TAFA1: variants seen among roughly 807,000 people sequenced by gnomAD.
The protein encoded by TAFA1 is TAFA chemokine like family member 1.
A neutral mutation model predicts 18.5 loss-of-function variants in TAFA1; 4 were observed. That is an observed-to-expected ratio of 0.22 (90% confidence interval 0.11 to 0.49). The LOEUF (loss-of-function observed/expected upper bound fraction) is 0.49. Among genes scored for constraint, TAFA1 ranks in the 20% least tolerant of loss-of-function variants. The pLI is 0.98. For missense variants in TAFA1, 147 were observed against 169.0 expected (o/e 0.87, Z 0.72); for synonymous variants, 56 against 55.2 (o/e 1.01, Z -0.06).
chr3:68,019,828 G>A (rs1280879377), intron 2 of TAFA1, among the ~76,000 whole-genome samples: 1 of 152,160 alleles, frequency 6.6e-6, no homozygotes. Context: ...CCCCCGGCCA[G>A]TGATGGCAAA....
chr3:68,534,761 A>G (rs1342081377), intron 3 of TAFA1, among the ~76,000 whole-genome samples: 1 of 152,100 alleles, frequency 6.6e-6, no homozygotes, highest in East Asian at 1.9e-4. Flanking sequence ...ATTTTCATTT[A>G]GGAGGTATTA....
intron 3 of TAFA1, among the ~76,000 whole-genome samples, chr3:68,505,684 C>T (rs2072736718): frequency 6.6e-6 from 1 of 151,764 alleles, no homozygotes; most frequent in Non-Finnish European, 1.5e-5. Context: ...TTGTTCCTGG[C>T]TGCCAGATGG....
intron 3 of TAFA1, among the ~76,000 whole-genome samples, chr3:68,424,298 C>T (rs547781843): frequency 1.8e-4 from 27 of 151,668 alleles, no homozygotes; most frequent in Non-Finnish European, 3.4e-4. Flanking sequence ...GAGAAAGAAA[C>T]ATACAAAGCA....
At chr3:68,163,896 A>G (rs1471837666) in intron 2 of TAFA1, among the ~76,000 whole-genome samples, 1 of 152,230 alleles carries the variant, frequency 6.6e-6, no homozygotes, top group East Asian at 1.9e-4. Context: ...CTTCCAGGAC[A>G]AAAAGAAACT....
intron 3 of TAFA1, among the ~76,000 whole-genome samples, chr3:68,493,695 G>T (rs1002779171): frequency 6.6e-6 from 1 of 152,166 alleles, no homozygotes; most frequent in Admixed American, 6.5e-5. Context: ...AGGAAATTTG[G>T]TTTTTTAAAC....
At chr3:68,335,439 T>C (rs2068954547) in intron 2 of TAFA1, among the ~76,000 whole-genome samples, 1 of 152,010 alleles carries the variant, frequency 6.6e-6, no homozygotes, top group Admixed American at 6.6e-5. Context: ...GATCAACTTT[T>C]CCATACTCAT....
At chr3:68,270,289 A>G (rs1240225695) in intron 2 of TAFA1, among the ~76,000 whole-genome samples, 3 of 152,106 alleles carry the variant, frequency 2.0e-5, no homozygotes, top group Admixed American at 6.6e-5. Flanking sequence ...AGGGGCTTCT[A>G]TGACAGATTA....
At chr3:68,041,506 G>T (rs1705164535) in intron 2 of TAFA1, among the ~76,000 whole-genome samples, 1 of 152,062 alleles carries the variant, frequency 6.6e-6, no homozygotes, top group African/African-American at 2.4e-5. Flanking sequence ...TCCTGATAGG[G>T]ATAACTCAAA....
chr3:68,279,466 A>T (rs2067858381), intron 2 of TAFA1, among the ~76,000 whole-genome samples: 1 of 152,172 alleles, frequency 6.6e-6, no homozygotes, highest in Non-Finnish European at 1.5e-5. Flanking sequence ...ACATGACTAC[A>T]TTAGATACTG....
At chr3:68,345,927 G>C (rs1040856243) in intron 2 of TAFA1, among the ~76,000 whole-genome samples, 4 of 152,232 alleles carry the variant, frequency 2.6e-5, no homozygotes, top group African/African-American at 9.6e-5. Context: ...GGAGAGAGAA[G>C]CTTGTTAACT....
chr3:68,228,058 A>G (rs529635849), intron 2 of TAFA1, among the ~76,000 whole-genome samples: 222 of 152,276 alleles, frequency 1.5e-3, no homozygotes, highest in African/African-American at 5.2e-3. Flanking sequence ...GAAAGATAGA[A>G]CACAGGCTGT....
intron 2 of TAFA1, among the ~76,000 whole-genome samples, chr3:68,073,917 A>C (rs1245015904): frequency 6.6e-6 from 1 of 151,976 alleles, no homozygotes; most frequent in Admixed American, 6.6e-5. Flanking sequence ...TAGGTGGGGG[A>C]TATGGTTTTG....
intron 2 of TAFA1, among the ~76,000 whole-genome samples, chr3:68,024,716 C>A (rs1277529308): frequency 6.6e-6 from 1 of 151,770 alleles, no homozygotes; most frequent in Non-Finnish European, 1.5e-5. Flanking sequence ...TAGCTTTAAT[C>A]TCTCACCTCC....
At chr3:68,028,738 CTTTTTTTTTAAAA>C (rs1370593608) in intron 2 of TAFA1, among the ~76,000 whole-genome samples, 25 of 100,436 alleles carry the variant, frequency 2.5e-4, no homozygotes, top group Admixed American at 1.2e-3. Flanking sequence ...CAGCCTCACT[CTTTTTTTTTAAAA>C]TTTTTTTTTT....
intron 2 of TAFA1, among the ~76,000 whole-genome samples, chr3:68,197,383 G>A (rs13100191): frequency 0.14 from 21,952 of 151,506 alleles, 1,892 homozygotes; most frequent in Middle Eastern, 0.2. Context: ...AAGATCAGGT[G>A]TATCTTTTAG....
intron 2 of TAFA1, among the ~76,000 whole-genome samples, chr3:68,348,780 C>T (rs933146823): frequency 6.6e-6 from 1 of 152,036 alleles, no homozygotes; most frequent in Admixed American, 6.6e-5. Context: ...TTTAAAAACT[C>T]AACATGCAAT....
intron 3 of TAFA1, among the ~76,000 whole-genome samples, chr3:68,514,263 T>G (rs1418456174): frequency 6.6e-6 from 1 of 152,220 alleles, no homozygotes; most frequent in Non-Finnish European, 1.5e-5. Context: ...GCCTTTGAAC[T>G]GAGAGCCCTT....
intron 2 of TAFA1, among the ~76,000 whole-genome samples, chr3:68,258,582 G>C (rs1358878568): frequency 6.6e-6 from 1 of 152,170 alleles, no homozygotes; most frequent in Non-Finnish European, 1.5e-5. Context: ...GAATCTAAGT[G>C]TTCAGAGAAT....
chr3:68,341,957 G>A (rs1211469607), intron 2 of TAFA1, among the ~76,000 whole-genome samples: 3 of 152,184 alleles, frequency 2.0e-5, no homozygotes, highest in African/African-American at 4.8e-5. Context: ...GGAACTAGTG[G>A]CATTTTGAGT....
Sources: gnomAD v4.1 joint callset for allele counts (sites outside exome capture counted in the v4.1 genomes callset) on GRCh38, gnomAD v4.1.1 for gene constraint, MANE v1.5 for transcripts, NCBI Gene and HGNC (gene_info 2026-07-23, HGNC 2026-07-21) for gene names.